SLC12A8: variants seen among roughly 807,000 people sequenced by gnomAD.
SLC12A8 encodes cation-chloride cotransporter 9.
In SLC12A8, 69 loss-of-function variants were observed where a neutral mutation model predicts 75.6. The observed-to-expected ratio is 0.91, with a 90% CI of 0.75 to 1.11. The LOEUF is 1.11. SLC12A8 is among the 50% of genes most tolerant of loss of function. The pLI, the probability that SLC12A8 is intolerant of heterozygous loss-of-function variation, is 0.00. For synonymous variants in SLC12A8, 365 were observed against 372.8 expected (o/e 0.98, Z 0.24); for missense variants, 877 against 896.7 (o/e 0.98, Z 0.28).
At chr3:125,138,030 C>T (rs896460112) in intron 5 of SLC12A8, among the ~76,000 whole-genome samples, 2 of 152,288 alleles carry the variant, frequency 1.3e-5, no homozygotes, top group East Asian at 3.9e-4. Context: ...CTGAATCTTG[C>T]TCTAGGAAAT....
chr3:125,121,474 A>G (rs1933060124), intron 6 of SLC12A8, among the ~76,000 whole-genome samples: 1 of 152,224 alleles, frequency 6.6e-6, no homozygotes, highest in South Asian at 2.1e-4. Context: ...TGTATCTTGA[A>G]TGTGGCCTTG....
At chr3:125,125,472 T>C (rs1459717997) in intron 6 of SLC12A8, among the ~76,000 whole-genome samples, 1 of 152,112 alleles carries the variant, frequency 6.6e-6, no homozygotes, top group Non-Finnish European at 1.5e-5. Flanking sequence ...GGCAGGAAAA[T>C]CGCTTGAATC....
chr3:125,153,356 G>A (rs1261231921), intron 5 of SLC12A8, among the ~76,000 whole-genome samples: 1 of 152,182 alleles, frequency 6.6e-6, no homozygotes, highest in African/African-American at 2.4e-5. Context: ...CAAGGTATGG[G>A]GATTTTCTGT....
intron 5 of SLC12A8, among the ~76,000 whole-genome samples, chr3:125,152,645 C>G (rs536690261): frequency 3.9e-5 from 6 of 152,130 alleles, no homozygotes; most frequent in Non-Finnish European, 5.9e-5. Context: ...ACCCCTCCCC[C>G]CAAACTCAAA....
intron 3 of SLC12A8, among the ~76,000 whole-genome samples, chr3:125,189,935 A>C (rs1318760977): frequency 6.6e-6 from 1 of 152,042 alleles, no homozygotes; most frequent in Admixed American, 6.6e-5. Flanking sequence ...GGCGGCCCAC[A>C]CCTCTGACCA....
chr3:125,161,576 A>G (rs962906407), intron 5 of SLC12A8, among the ~76,000 whole-genome samples: 1 of 152,106 alleles, frequency 6.6e-6, no homozygotes, highest in African/African-American at 2.4e-5. Flanking sequence ...CGGAAAGAAC[A>G]GGTCAAGAGA....
rs1282489468 is a variant in SLC12A8, at chr3:125,107,651, G to A, written c.1535C>T (p.Pro512Leu). The change falls in exon 10 of 14, where the codon CCT becomes CTT. Residue 512 changes from proline (P) to leucine (L), a missense_variant. Transcript: ENST00000469902. Reference protein sequence around the residue: ...QDSFLLDLKSPPSFPVEISDR... With the variant: ...QDSFLLDLKSLPSFPVEISDR... The stretch of plus-strand genomic sequence containing the variant: ...AGAGATCTCGACAGGGAAAGAAGGA[G>A]GGGATTTGAGGTCCAAGAGGAAGCT... The A allele has an allele frequency of 1.9e-6, 3 of 1,614,206 alleles. No homozygotes were observed. The highest frequency in any genetic ancestry group is 2.5e-6 in the Non-Finnish European group (3 of 1,180,030).
chr3:125,085,156 T>C (rs1412697620), intron 13 of SLC12A8, among the ~76,000 whole-genome samples: 1 of 152,228 alleles, frequency 6.6e-6, no homozygotes, highest in African/African-American at 2.4e-5. Context: ...TTAACTTCTA[T>C]AAAGGCTGAA....
At position 125,177,742 on chromosome 3, in the gene SLC12A8, C is replaced by T. The variant is rs1292386154; in HGVS notation, c.622+1G>A. On this transcript the variant is annotated splice_donor_variant, in intron 5 of 13. Transcript: ENST00000469902. LOFTEE classifies it high-confidence loss of function. ...CACATACTGGACTCTGAAAGGCTTA[C>T]CTGGGTCCAGGTGGGTGAAAGAACC... 1 of 1,613,458 alleles carries T rather than the reference C, an allele frequency of 6.2e-7. No individual in the cohort carries two copies. The highest frequency in any genetic ancestry group is 1.1e-5 in the South Asian group (1 of 91,022).
At chr3:125,198,880 C>A (rs1935059325) in intron 2 of SLC12A8, among the ~76,000 whole-genome samples, 1 of 151,670 alleles carries the variant, frequency 6.6e-6, no homozygotes, top group Admixed American at 6.6e-5. Context: ...CGAGTTCATG[C>A]CATTCCCCTG....
chr3:125,161,149 T>A (rs1166588754), intron 5 of SLC12A8, among the ~76,000 whole-genome samples: 7 of 152,204 alleles, frequency 4.6e-5, no homozygotes, highest in Non-Finnish European at 7.3e-5. Context: ...AACAATGTTA[T>A]CATTTTTTAA....
intron 10 of SLC12A8, among the ~76,000 whole-genome samples, chr3:125,104,478 T>C (rs1033820632): frequency 1.2e-4 from 14 of 119,894 alleles, no homozygotes; most frequent in Non-Finnish European, 1.9e-4. Flanking sequence ...ATTGTACTCA[T>C]AGAACAAAAA....
chr3:125,091,398 G>A, intron 12 of SLC12A8, 41 bp downstream of exon 12: 1 of 1,301,124 alleles, frequency 7.7e-7, no homozygotes, highest in South Asian at 1.2e-5. Context: ...GAATGGTAGA[G>A]AGAATGAGGG....
rs1934806638 is a variant in SLC12A8, at chr3:125,187,241, C to A, written c.386G>T (p.Gly129Val). The change falls in exon 4 of 14, where the codon GGA becomes GTA. Residue 129 changes from glycine to valine, a missense_variant. Coordinates refer to ENST00000469902, the MANE Select transcript of SLC12A8 (RefSeq NM_024628.6). ...CATCCCGGGCGCAGGCCTCACCTGT[C>A]CAAACACATAGAGCAGCCCGATGGT... ...GGTIGLLYVF[G>V]QCVAGAMYIT... 1 of 1,614,036 alleles carries A rather than the reference C, an allele frequency of 6.2e-7. No individual in the cohort carries two copies. The highest frequency in any genetic ancestry group is 8.5e-7 in the Non-Finnish European group (1 of 1,179,922).
intron 2 of SLC12A8, among the ~76,000 whole-genome samples, chr3:125,200,355 G>A (rs1162978733): frequency 1.3e-5 from 2 of 152,160 alleles, no homozygotes; most frequent in Non-Finnish European, 2.9e-5. Context: ...AGGCTGAGGA[G>A]GGAGGATCAT....
chr3:125,192,219 A>G (rs560403053), intron 2 of SLC12A8, among the ~76,000 whole-genome samples: 16 of 152,244 alleles, frequency 1.1e-4, no homozygotes, highest in Admixed American at 3.3e-4. Context: ...CAGCTTCCAC[A>G]GGAGCTCTCT....
intron 8 of SLC12A8, among the ~76,000 whole-genome samples, chr3:125,117,826 C>T (rs1939349840): frequency 6.6e-6 from 1 of 152,072 alleles, no homozygotes; most frequent in Non-Finnish European, 1.5e-5. Flanking sequence ...AAATAAATGT[C>T]CTTGATGTCA....
At chr3:125,102,334 G>T (rs1938899204) in intron 10 of SLC12A8, among the ~76,000 whole-genome samples, 1 of 152,168 alleles carries the variant, frequency 6.6e-6, no homozygotes, top group Non-Finnish European at 1.5e-5. Flanking sequence ...GGTGAAAGCG[G>T]AACGTACAGT....
intron 6 of SLC12A8, among the ~76,000 whole-genome samples, chr3:125,128,995 G>T (rs902857814): frequency 9.2e-5 from 14 of 152,158 alleles, no homozygotes; most frequent in Non-Finnish European, 1.8e-4. Context: ...GGCCCAGGGA[G>T]GTCAAAGGGC....
Sources: gnomAD v4.1 joint callset for allele counts (sites outside exome capture counted in the v4.1 genomes callset) on GRCh38, gnomAD v4.1.1 for gene constraint, MANE v1.5 for transcripts, NCBI Gene and HGNC (gene_info 2026-07-23, HGNC 2026-07-21) for gene names.